SGMS1: variants seen among roughly 807,000 people sequenced by gnomAD.
SGMS1 encodes phosphatidylcholine:ceramide cholinephosphotransferase 1.
In SGMS1, 13 loss-of-function variants were observed where a neutral mutation model predicts 46.2. The observed-to-expected ratio is 0.28, with a 90% CI of 0.18 to 0.45. The LOEUF (loss-of-function observed/expected upper bound fraction) is 0.45, where lower values mean the gene tolerates loss of function less well. Ranked by LOEUF, SGMS1 falls within the 20% of genes least tolerant of loss-of-function variation. The pLI, the probability that SGMS1 is intolerant of heterozygous loss-of-function variation, is 1.00. For synonymous variants in SGMS1, 203 were observed against 187.8 expected (o/e 1.08, Z -0.66); for missense variants, 324 against 519.9 (o/e 0.62, Z 3.66).
chr10:50,487,339 G>A (rs748140267), intron 3 of SGMS1, among the ~76,000 whole-genome samples: 2 of 152,138 alleles, frequency 1.3e-5, no homozygotes, highest in African/African-American at 4.8e-5. Flanking sequence ...TCAGGGGAAG[G>A]GGGTGGAGGG....
At chr10:50,522,199 A>T (rs1459284900) in intron 2 of SGMS1, among the ~76,000 whole-genome samples, 2 of 152,298 alleles carry the variant, frequency 1.3e-5, no homozygotes, top group Admixed American at 1.3e-4. Context: ...CTTGTACTTA[A>T]GTATTTTGGT....
At chr10:50,417,796 T>C (rs1047730429) in intron 6 of SGMS1, among the ~76,000 whole-genome samples, 1 of 152,226 alleles carries the variant, frequency 6.6e-6, no homozygotes, top group African/African-American at 2.4e-5. Context: ...TTGGTTCTCA[T>C]GCCACGGCAG....
intron 1 of SGMS1, among the ~76,000 whole-genome samples, chr10:50,611,459 C>A (rs1262889723): frequency 6.6e-6 from 1 of 152,228 alleles, no homozygotes; most frequent in Non-Finnish European, 1.5e-5. Context: ...AAAATCAGGG[C>A]CCCTGGGTCC....
At chr10:50,571,671 T>C (rs1246437471) in intron 2 of SGMS1, among the ~76,000 whole-genome samples, 1 of 152,200 alleles carries the variant, frequency 6.6e-6, no homozygotes, top group Admixed American at 6.5e-5. Context: ...AATGTGCATA[T>C]ATATACACAT....
intron 2 of SGMS1, among the ~76,000 whole-genome samples, chr10:50,540,789 T>C (rs1180955325): frequency 6.6e-6 from 1 of 152,096 alleles, no homozygotes; most frequent in East Asian, 1.9e-4. Context: ...TGGGAAGTCA[T>C]GGAAAAGTTG....
At chr10:50,375,992 CG>C (rs367979541) in intron 6 of SGMS1, among the ~76,000 whole-genome samples, 6 of 152,046 alleles carry the variant, frequency 3.9e-5, no homozygotes, top group African/African-American at 1.4e-4. Flanking sequence ...CTACTGCAGC[CG>C]GCATTTGTTT....
chr10:50,401,675 T>A (rs540600058), intron 6 of SGMS1, among the ~76,000 whole-genome samples: 2 of 152,246 alleles, frequency 1.3e-5, no homozygotes. Flanking sequence ...AAGGGATACA[T>A]GTTTTACATT....
At chr10:50,587,869 C>CT (rs1264803921) in intron 2 of SGMS1, among the ~76,000 whole-genome samples, 1 of 152,064 alleles carries the variant, frequency 6.6e-6, no homozygotes, top group Non-Finnish European at 1.5e-5. Flanking sequence ...AATCTGGGTG[C>CT]TGGTTACATG....
intron 1 of SGMS1, among the ~76,000 whole-genome samples, chr10:50,615,663 T>G (rs140014839): frequency 1.3e-5 from 2 of 152,224 alleles, no homozygotes; most frequent in Admixed American, 1.3e-4. Context: ...GAGATACTTA[T>G]GTTTGGGCAC....
chr10:50,557,928 T>C (rs539085697), intron 2 of SGMS1, among the ~76,000 whole-genome samples: 8 of 152,310 alleles, frequency 5.3e-5, no homozygotes, highest in African/African-American at 1.9e-4. Flanking sequence ...AAAAACTCAG[T>C]AGGTTTTGAG....
rs186920915 is a variant in SGMS1 at position 50,344,741 on chromosome 10, C to T, written c.-231-396G>A. Among the ~76,000 whole-genome samples, 923 of 152,008 alleles carry T rather than the reference C, an allele frequency of 6.1e-3. 13 individuals carry two copies. The highest frequency in any genetic ancestry group is 0.02 in the African/African-American group (835 of 41,448). On this transcript the variant is annotated intron_variant, in intron 6 of 10. Transcript: ENST00000361781. Reference sequence around the variant, plus strand: ...AAAATTAGCCGGGTGTGGTGGCGGGCGCCTGTAGTCCCAGCTACTCCTGCC... The same window carrying T: ...AAAATTAGCCGGGTGTGGTGGCGGGTGCCTGTAGTCCCAGCTACTCCTGCC...
intron 7 of SGMS1, chr10:50,342,562 T>C (rs1305238332): frequency 6.6e-6 from 1 of 152,050 alleles, no homozygotes; most frequent in Non-Finnish European, 1.5e-5. Flanking sequence ...ACATTCAGCA[T>C]GAACTCTCAG....
At chr10:50,488,116 C>A (rs1192519681) in intron 3 of SGMS1, among the ~76,000 whole-genome samples, 1 of 151,806 alleles carries the variant, frequency 6.6e-6, no homozygotes, top group East Asian at 1.9e-4. Context: ...TGGGTTCTAG[C>A]GACACTCCTG....
At chr10:50,535,028 G>A (rs571108569) in intron 2 of SGMS1, among the ~76,000 whole-genome samples, 2 of 152,302 alleles carry the variant, frequency 1.3e-5, no homozygotes, top group East Asian at 3.9e-4. Flanking sequence ...GAGGTCAGGA[G>A]TTCAAGACCA....
intron 6 of SGMS1, among the ~76,000 whole-genome samples, chr10:50,431,937 C>T (rs1020905041): frequency 2.6e-5 from 4 of 152,182 alleles, no homozygotes; most frequent in Non-Finnish European, 5.9e-5. Context: ...GAGTCAACAA[C>T]TCAAGAAACT....
intron 6 of SGMS1, among the ~76,000 whole-genome samples, chr10:50,431,405 T>TA: frequency 6.6e-6 from 1 of 152,312 alleles, no homozygotes; most frequent in East Asian, 1.9e-4. Context: ...TAAGGTTCAA[T>TA]AAAAAATGTG....
At chr10:50,485,218 G>T (rs1008795691) in intron 3 of SGMS1, among the ~76,000 whole-genome samples, 4 of 152,136 alleles carry the variant, frequency 2.6e-5, no homozygotes, top group Non-Finnish European at 4.4e-5. Flanking sequence ...CAAAATCAAT[G>T]TCTAAAAGTC....
intron 5 of SGMS1, among the ~76,000 whole-genome samples, chr10:50,448,590 TA>T (rs1305123104): frequency 6.6e-6 from 1 of 151,202 alleles, no homozygotes. Context: ...ACTAAAAATA[TA>T]AAATTAGCCG....
chr10:50,349,835 C>G (rs1229968159), intron 6 of SGMS1, among the ~76,000 whole-genome samples: 2 of 152,186 alleles, frequency 1.3e-5, no homozygotes, highest in African/African-American at 4.8e-5. Flanking sequence ...ATTTAAACCT[C>G]TTTTTCTTCT....
Sources: gnomAD v4.1 joint callset for allele counts (sites outside exome capture counted in the v4.1 genomes callset) on GRCh38, gnomAD v4.1.1 for gene constraint, MANE v1.5 for transcripts, NCBI Gene and HGNC (gene_info 2026-07-23, HGNC 2026-07-21) for gene names.